Variants in KRT20 observed in about 807,000 individuals in gnomAD.
The protein encoded by KRT20 is keratin, type I cytoskeletal 20.
KRT20 carries 41 observed loss-of-function variants against 43.0 expected under a neutral mutation model. The observed-to-expected ratio is 0.95, with a 90% confidence interval of 0.74 to 1.24. The LOEUF (loss-of-function observed/expected upper bound fraction) is 1.24, where lower values mean the gene tolerates loss of function less well. Among genes scored for constraint, KRT20 ranks in the 50% most tolerant of loss-of-function variants. The probability of loss-of-function intolerance (pLI) is 0.00; values close to 1 mark genes in which losing one functional copy is unlikely to be tolerated. For synonymous variants in KRT20, 207 were observed against 200.6 expected (o/e 1.03, Z -0.27); for missense variants, 533 against 521.2 (o/e 1.02, Z -0.22).
rs572056740 is a variant in KRT20, at chr17:40,881,866, T to A, written c.473+706A>T. On this transcript the variant is annotated intron_variant, in intron 2 of 7. Coordinates refer to ENST00000167588, the MANE Select transcript of KRT20 (RefSeq NM_019010.3). ...CACAATTTTTACTTTCTTTTTCTTT[T>A]CTTTCTTTCTTCCTTTTTTTTTTTG... is the stretch of plus-strand genomic sequence containing the variant. Among the ~76,000 whole-genome samples, 4 of 104,088 alleles carry A rather than the reference T, an allele frequency of 3.8e-5. No individual in the cohort carries two copies. The South Asian group carries it at 9.6e-4, about 25-fold the overall frequency. 68.3% of individuals were successfully genotyped at this position (104,088 alleles called of 152,430 possible).
chr17:40,880,300 C>A, intron 3 of KRT20, 39 bp from the exon 4 acceptor site: 1 of 1,558,020 alleles, frequency 6.4e-7, no homozygotes, highest in Admixed American at 1.9e-5. Context: ...TAGTCTGAAG[C>A]ACATTCTCAG....
chr17:40,882,658 GA>G lies in KRT20; in HGVS notation c.391-5del. On this transcript the variant is annotated splice_polypyrimidine_tract_variant and splice_region_variant and intron_variant, in intron 1 of 7. Coordinates refer to ENST00000167588, the MANE Select transcript of KRT20 (RefSeq NM_019010.3). ...TTTGCAGTTGAGCATCCTTAATCTG[GA>G]AAATACATGAGAAAGAATGACATTT... 1.4e-6 allele frequency: 2 copies of G among 1,386,446 alleles called. No individual in the cohort carries two copies. Among genetic ancestry groups the G allele is most frequent in the Non-Finnish European group, 1.9e-6 (2 of 1,034,866 alleles). The allele number at this position is 1,386,446 out of a possible 1,614,324, so 85.9% of individuals were successfully genotyped here. A position where few individuals can be genotyped will look rare whatever the true frequency, so the allele number is the denominator to read the frequency against.
In KRT20 at chr17:40,880,226, A is replaced by G; in HGVS notation, c.666T>C (p.Thr222=). The G allele has an allele frequency of 6.2e-7, 1 of 1,611,868 alleles. No individual in the cohort carries two copies. The highest frequency in any genetic ancestry group is 8.5e-7 in the Non-Finnish European group (1 of 1,179,106). The part of the protein sequence containing the change: ...VDGLHKHLGN[T]VNVEVDAAPG... ...GAGCAGCATCAACCTCCACATTGAC[A>G]GTGTTGCCCAGATGCTTGTGTAGGC... Residue 222 remains threonine (T), a synonymous_variant, in exon 4 of 8, where the codon ACT becomes ACC. Coordinates refer to ENST00000167588, the MANE Select transcript of KRT20 (RefSeq NM_019010.3).
In KRT20 at chr17:40,876,408, C is replaced by T. The variant is rs1907348640; in HGVS notation, c.1228G>A (p.Gly410Ser). ...IKTVVQEVVD[G>S]KVVSSEVKEV... ...TTGACTTCAGATGACACGACCTTGC[C>T]ATCCACTACTTCTTGCACGACTGTC... The change falls in exon 8 of 8, where the codon GGC becomes AGC. Residue 410 changes from glycine to serine, a missense_variant. Transcript: ENST00000167588. 1.2e-6 allele frequency: 2 copies of T among 1,613,294 alleles called. No individual in the cohort carries two copies. Among genetic ancestry groups the T allele is most frequent in the South Asian group, 1.1e-5 (1 of 91,028 alleles).
Position 40,876,394 on chromosome 17 carries a change from T to C in KRT20, c.1242A>G (p.Ser414=). Reference sequence around the variant, plus strand: ...TTTCTTCCACCTCTTTGACTTCAGATGACACGACCTTGCCATCCACTACTT... The same window carrying C: ...TTTCTTCCACCTCTTTGACTTCAGACGACACGACCTTGCCATCCACTACTT... The part of the protein sequence containing the change: ...VQEVVDGKVV[S]SEVKEVEENI Residue 414 remains serine (S), a synonymous_variant, in exon 8 of 8, where the codon TCA becomes TCG. Transcript: ENST00000167588. The C allele has an allele frequency of 6.2e-7, 1 of 1,613,382 alleles. No homozygotes were observed. Among genetic ancestry groups the C allele is most frequent in the Non-Finnish European group, 8.5e-7 (1 of 1,179,340 alleles).
chr17:40,878,909 C>T (rs557212367), intron 5 of KRT20, among the ~76,000 whole-genome samples: 45 of 151,848 alleles, frequency 3.0e-4, no homozygotes, highest in Non-Finnish European at 5.1e-4. Flanking sequence ...TCAAGCGATT[C>T]TCCTGCCTCA....
chr17:40,882,689 T>TTTTACTTA, intron 1 of KRT20, 35 bp from the exon 2 acceptor site: 1 of 530,426 alleles, frequency 1.9e-6, no homozygotes, highest in South Asian at 3.8e-5. Flanking sequence ...ACATTTTCTT[T>TTTTACTTA]TTTATTTATT....
At position 40,879,904 on chromosome 17, in the gene KRT20, G is replaced by C. The variant is rs764381686; in HGVS notation, c.827C>G (p.Thr276Ser). Residue 276 changes from threonine to serine, a missense_variant, in exon 5 of 8, where the codon ACT becomes AGT. Physicochemically the swap from Thr to Ser is moderately conservative, Grantham distance 58 (BLOSUM62 1). Coordinates refer to ENST00000167588, the MANE Select transcript of KRT20 (RefSeq NM_019010.3). Reference sequence around the variant, plus strand: ...AACCTCAGTTCCTTTTAATTCTTCAGTATTCACTGTGACCTGTTGCTGCAG... The same window carrying C: ...AACCTCAGTTCCTTTTAATTCTTCACTATTCACTGTGACCTGTTGCTGCAG... ...AVLQQQVTVN[T>S]EELKGTEVQL... 2 of 1,613,720 alleles carry C rather than the reference G, an allele frequency of 1.2e-6. No homozygotes were observed. The highest frequency in any genetic ancestry group is 2.2e-5 in the South Asian group (2 of 91,054).
Position 40,877,419 on chromosome 17 carries a change from T to C in KRT20, c.1140-2A>G. The C allele has an allele frequency of 1.3e-6, 2 of 1,498,356 alleles. No homozygotes were observed. The highest frequency in any genetic ancestry group is 1.8e-6 in the Non-Finnish European group (2 of 1,127,704). 92.8% of individuals were successfully genotyped at this position (1,498,356 alleles called of 1,614,324 possible). A position where few individuals can be genotyped will look rare whatever the true frequency, so the allele number is the denominator to read the frequency against. On this transcript the variant is annotated splice_acceptor_variant, in intron 6 of 7. Transcript: ENST00000167588. LOFTEE classifies it high-confidence loss of function. ...GTGCTTAACTGATATTCTGTAGTTCTGTTTTTTTTTTTAATGAAAAGAAGA... is the reference window on the plus strand; with the variant it reads ...GTGCTTAACTGATATTCTGTAGTTCCGTTTTTTTTTTTAATGAAAAGAAGA...
chr17:40,883,184 C>T (rs1420074977), intron 1 of KRT20, among the ~76,000 whole-genome samples: 2 of 152,080 alleles, frequency 1.3e-5, no homozygotes. Context: ...ACTCTAGATG[C>T]CCCAGGGTTT....
intron 5 of KRT20, 68 bp downstream of exon 5, chr17:40,879,745 A>G (rs1026863972): frequency 7.0e-6 from 11 of 1,566,092 alleles, no homozygotes; most frequent in African/African-American, 6.8e-5. Context: ...TTGCATTTCT[A>G]TAGTTCCTAA....
chr17:40,877,228 C>A (rs373669530), intron 7 of KRT20, 152 bp downstream of exon 7: 1 of 612,366 alleles, frequency 1.6e-6, no homozygotes. Context: ...GCCAAGTAAA[C>A]GTCTATTGTT....
intron 5 of KRT20, 52 bp from the exon 6 acceptor site, chr17:40,878,417 A>G (rs1314194614): frequency 1.5e-6 from 2 of 1,320,926 alleles, no homozygotes; most frequent in African/African-American, 2.9e-5. Flanking sequence ...TTGATTCAAG[A>G]GATGGGTTAA....
chr17:40,882,654 T>C lies in KRT20; in HGVS notation c.391A>G (p.Ile131Val). Residue 131 changes from isoleucine to valine, a missense_variant and splice_region_variant, in exon 2 of 8, where the codon ATT (isoleucine) becomes GTT (valine). Ile to Val is a conservative substitution (Grantham distance 29). Coordinates refer to ENST00000167588, the MANE Select transcript of KRT20 (RefSeq NM_019010.3). ...YRQIEELRSQ[I>V]KDAQLQNARC... ...GCATTTTGCAGTTGAGCATCCTTAATCTGGAAAATACATGAGAAAGAATGA... is the reference window on the plus strand; with the variant it reads ...GCATTTTGCAGTTGAGCATCCTTAACCTGGAAAATACATGAGAAAGAATGA... 1.4e-6 allele frequency: 2 copies of C among 1,454,440 alleles called. No individual in the cohort carries two copies. Among genetic ancestry groups the C allele is most frequent in the Non-Finnish European group, 1.8e-6 (2 of 1,083,298 alleles). The allele number at this position is 1,454,440 out of a possible 1,614,324, so 90.1% of individuals were successfully genotyped here.
intron 2 of KRT20, among the ~76,000 whole-genome samples, chr17:40,882,303 T>C (rs1271958029): frequency 6.6e-6 from 1 of 151,744 alleles, no homozygotes; most frequent in Admixed American, 6.6e-5. Flanking sequence ...ACCAGGTTAC[T>C]AAAAAAAAAT....
Position 40,876,192 on chromosome 17 carries a change from T to A in KRT20, c.*169A>T. 1 of 477,364 alleles carries A rather than the reference T, an allele frequency of 2.1e-6. No individual in the cohort carries two copies. The highest frequency in any genetic ancestry group is 3.8e-6 in the Non-Finnish European group (1 of 266,504). The allele number at this position is 477,364 out of a possible 1,614,324, so 29.6% of individuals were successfully genotyped here. A position where few individuals can be genotyped will look rare whatever the true frequency, so the allele number is the denominator to read the frequency against. On this transcript the variant is annotated 3_prime_UTR_variant, in exon 8 of 8. Transcript: ENST00000167588. Reference sequence around the variant, plus strand: ...TTGCAGCTCCTCTGAGTAAAACATTTATATTCAATTACAGAGTCTGATAAA... The same window carrying A: ...TTGCAGCTCCTCTGAGTAAAACATTAATATTCAATTACAGAGTCTGATAAA...
rs776170726 is a variant in KRT20, at chr17:40,885,211, T to C, written c.-26A>G. ...TGGAGATTCCAGGAGGGAGCACCTGTAGCTTCAGGATGGTTGGGGCAGAGT... is the reference window on the plus strand; with the variant it reads ...TGGAGATTCCAGGAGGGAGCACCTGCAGCTTCAGGATGGTTGGGGCAGAGT... On this transcript the variant is annotated 5_prime_UTR_variant, in exon 1 of 8. Transcript: ENST00000167588. The C allele has an allele frequency of 1.5e-5, 23 of 1,566,236 alleles. No individual in the cohort carries two copies. Among genetic ancestry groups the C allele is most frequent in the South Asian group, 3.4e-5 (3 of 87,478 alleles).
At chr17:40,882,941 C>G (rs1319149276) in intron 1 of KRT20, among the ~76,000 whole-genome samples, 1 of 151,908 alleles carries the variant, frequency 6.6e-6, no homozygotes, top group Non-Finnish European at 1.5e-5. Flanking sequence ...AAGTTCTGAC[C>G]TCAGGTGATC....
intron 6 of KRT20, among the ~76,000 whole-genome samples, chr17:40,877,623 T>A (rs183208514): frequency 7.9e-5 from 12 of 152,294 alleles, no homozygotes. Context: ...GATTTAAAAC[T>A]GACCAGTTTA....
Sources: gnomAD v4.1 joint callset for allele counts (sites outside exome capture counted in the v4.1 genomes callset) on GRCh38, gnomAD v4.1.1 for gene constraint, MANE v1.5 for transcripts, NCBI Gene and HGNC (gene_info 2026-07-23, HGNC 2026-07-21) for gene names.